The following TIMP3 variants were observed in gnomAD, a reference collection of about 807,000 sequenced individuals.
TIMP3 encodes the protein TIMP metallopeptidase inhibitor 3, also known as metalloproteinase inhibitor 3.
In TIMP3, 11 loss-of-function variants were observed where a neutral mutation model predicts 30.0. That is an observed-to-expected ratio of 0.37 (90% CI 0.23 to 0.61). The LOEUF (loss-of-function observed/expected upper bound fraction) is 0.61. TIMP3 is among the 20% of genes least tolerant of loss of function. The pLI, the probability that TIMP3 is intolerant of heterozygous loss-of-function variation, is 0.70. For missense variants in TIMP3, 181 were observed against 276.8 expected (o/e 0.65, Z 2.45); for synonymous variants, 112 against 111.3 (o/e 1.01, Z -0.04).
chr22:32,844,894 T>A (rs943639696), intron 1 of TIMP3, among the ~76,000 whole-genome samples: 37 of 152,108 alleles, frequency 2.4e-4, no homozygotes, highest in Middle Eastern at 3.2e-3. Flanking sequence ...TAAATTTTTA[T>A]AATTTTTTAT....
intron 1 of TIMP3, among the ~76,000 whole-genome samples, chr22:32,822,498 G>A (rs1226824126): frequency 2.0e-5 from 3 of 152,330 alleles, no homozygotes; most frequent in African/African-American, 7.2e-5. Flanking sequence ...CCTGTGCATC[G>A]AAAGCCTCAA....
At chr22:32,851,357 G>A (rs371099022) in intron 2 of TIMP3, among the ~76,000 whole-genome samples, 7 of 152,164 alleles carry the variant, frequency 4.6e-5, no homozygotes, top group African/African-American at 1.4e-4. Flanking sequence ...AGGGCCTGGA[G>A]ACCAGGGTGA....
intron 1 of TIMP3, among the ~76,000 whole-genome samples, chr22:32,843,756 G>A (rs892732818): frequency 2.6e-5 from 4 of 152,182 alleles, no homozygotes; most frequent in African/African-American, 9.7e-5. Context: ...GGTCCCATCA[G>A]AAGAGCAGCC....
chr22:32,806,778 CA>C (rs1220605583), intron 1 of TIMP3, among the ~76,000 whole-genome samples: 1 of 146,212 alleles, frequency 6.8e-6, no homozygotes, highest in African/African-American at 2.5e-5. Flanking sequence ...TTCTATTTAT[CA>C]TTTATCATCT....
chr22:32,818,365 G>C (rs1035424413), intron 1 of TIMP3, among the ~76,000 whole-genome samples: 11 of 152,146 alleles, frequency 7.2e-5, no homozygotes, highest in African/African-American at 2.7e-4. Context: ...TAGCCCAGGG[G>C]CTGGGGGCAG....
chr22:32,850,378 AC>A (rs1442276984), intron 2 of TIMP3, among the ~76,000 whole-genome samples: 2 of 151,960 alleles, frequency 1.3e-5, no homozygotes, highest in Non-Finnish European at 2.9e-5. Flanking sequence ...CATTCTAAGC[AC>A]CCTGGGATGC....
At chr22:32,816,460 T>C (rs2047090835) in intron 1 of TIMP3, among the ~76,000 whole-genome samples, 1 of 152,246 alleles carries the variant, frequency 6.6e-6, no homozygotes, top group African/African-American at 2.4e-5. Flanking sequence ...TGAGTCTTCC[T>C]GCAGGCTGGA....
intron 1 of TIMP3, among the ~76,000 whole-genome samples, chr22:32,810,864 T>A (rs911992364): frequency 3.9e-5 from 6 of 152,166 alleles, no homozygotes; most frequent in Admixed American, 3.9e-4. Context: ...TTAGACTTTA[T>A]CATCATGAAT....
At chr22:32,814,339 G>GAAAGAA (rs369652077) in intron 1 of TIMP3, among the ~76,000 whole-genome samples, 17 of 10,332 alleles carry the variant, frequency 1.6e-3, no homozygotes, top group Non-Finnish European at 4.5e-3. Flanking sequence ...AAGAAAGAAA[G>GAAAGAA]AGAAAGAAAG....
chr22:32,849,394 T>C, intron 1 of TIMP3, 58 bp from the exon 2 acceptor site: 1 of 1,511,326 alleles, frequency 6.6e-7, no homozygotes, highest in South Asian at 1.2e-5. Context: ...CCTGAGATGC[T>C]GTTCCTGATG....
intron 2 of TIMP3, among the ~76,000 whole-genome samples, chr22:32,852,612 G>A (rs1021368494): frequency 2.6e-5 from 4 of 152,136 alleles, no homozygotes; most frequent in South Asian, 2.1e-4. Flanking sequence ...CTGAGACTCC[G>A]AGCCGCCCTG....
At chr22:32,806,117 A>G (rs1444146817) in intron 1 of TIMP3, among the ~76,000 whole-genome samples, 1 of 151,538 alleles carries the variant, frequency 6.6e-6, no homozygotes, top group African/African-American at 2.4e-5. Context: ...GGGCTTCAAG[A>G]CTCTTCCCTT....
Position 32,861,437 on chromosome 22 carries a change from G to A in TIMP3, c.*2060G>A, listed in dbSNP as rs2048535217. ...CACTGGTTTTGAAGGGATGAGCCCA[G>A]ACTTGATGTTTTGGGATTGTCCTTA... On this transcript the variant is annotated 3_prime_UTR_variant, in exon 5 of 5. Coordinates refer to ENST00000266085, the MANE Select transcript of TIMP3 (RefSeq NM_000362.5). The A allele has an allele frequency of 6.6e-6, 1 of 152,248 alleles. No homozygotes were observed. Among genetic ancestry groups the A allele is most frequent in the African/African-American group, 2.4e-5 (1 of 41,460 alleles). The allele number at this position is 152,248 out of a possible 1,614,324, so 9.4% of individuals were successfully genotyped here. A position where few individuals can be genotyped will look rare whatever the true frequency, so the allele number is the denominator to read the frequency against.
chr22:32,847,192 C>G (rs1220146857), intron 1 of TIMP3, among the ~76,000 whole-genome samples: 1 of 152,186 alleles, frequency 6.6e-6, no homozygotes, highest in Non-Finnish European at 1.5e-5. Context: ...GCAGACATGC[C>G]TCTGCACGGA....
chr22:32,802,227 G>T, intron 1 of TIMP3, 105 bp downstream of exon 1: 3 of 1,461,822 alleles, frequency 2.1e-6, no homozygotes, highest in Non-Finnish European at 2.7e-6. Flanking sequence ...CCCCAGGAGA[G>T]GGGCAGACGG....
At chr22:32,833,513 T>A (rs1173302710) in intron 1 of TIMP3, among the ~76,000 whole-genome samples, 1 of 152,176 alleles carries the variant, frequency 6.6e-6, no homozygotes, top group Admixed American at 6.5e-5. Context: ...GGGATGGGAC[T>A]GTAGAAGAAA....
At chr22:32,835,184 G>A (rs1314850147) in intron 1 of TIMP3, among the ~76,000 whole-genome samples, 2 of 152,184 alleles carry the variant, frequency 1.3e-5, no homozygotes, top group Non-Finnish European at 2.9e-5. Flanking sequence ...AGTAGAGAAA[G>A]GTAGGGTGAT....
chr22:32,809,285 T>A (rs2145976689), intron 1 of TIMP3, among the ~76,000 whole-genome samples: 1 of 152,326 alleles, frequency 6.6e-6, no homozygotes, highest in South Asian at 2.1e-4. Context: ...GGGCTACAAC[T>A]TTTTAGACTT....
At chr22:32,802,182 T>A (rs1174846977) in intron 1 of TIMP3, 60 bp downstream of exon 1, 1 of 1,533,936 alleles carries the variant, frequency 6.5e-7, no homozygotes, top group East Asian at 2.5e-5. Context: ...CAGCGCTGCT[T>A]AGGGAGGCAG....
Sources: gnomAD v4.1 joint callset for allele counts (sites outside exome capture counted in the v4.1 genomes callset) on GRCh38, gnomAD v4.1.1 for gene constraint, MANE v1.5 for transcripts, NCBI Gene and HGNC (gene_info 2026-07-23, HGNC 2026-07-21) for gene names.